Variants in KCNIP4 observed in about 807,000 individuals in gnomAD.
KCNIP4 encodes Kv channel-interacting protein 4.
A neutral mutation model predicts 34.0 loss-of-function variants in KCNIP4; 12 were observed. That is an observed-to-expected ratio of 0.35 (90% confidence interval 0.23 to 0.57). The LOEUF (loss-of-function observed/expected upper bound fraction) is 0.57, where lower values mean the gene tolerates loss of function less well. Among genes scored for constraint, KCNIP4 ranks in the 20% least tolerant of loss-of-function variants. The probability of loss-of-function intolerance (pLI) is 0.83; values close to 1 mark genes in which losing one functional copy is unlikely to be tolerated. For synonymous variants in KCNIP4, 124 were observed against 102.2 expected (o/e 1.21, Z -1.29); for missense variants, 238 against 311.7 (o/e 0.76, Z 1.78).
At chr4:20,943,061 T>C (rs889823093) in intron 1 of KCNIP4, among the ~76,000 whole-genome samples, 1 of 152,246 alleles carries the variant, frequency 6.6e-6, no homozygotes, top group Non-Finnish European at 1.5e-5. Flanking sequence ...TGATTAAGAA[T>C]GCATTGATCA....
chr4:21,831,707 C>T (rs1723003254), intron 1 of KCNIP4, among the ~76,000 whole-genome samples: 1 of 142,314 alleles, frequency 7.0e-6, no homozygotes, highest in African/African-American at 2.6e-5. Context: ...GATGGTTTCA[C>T]TGGTGAATTC....
At chr4:21,922,405 G>A (rs1728985702) in intron 1 of KCNIP4, among the ~76,000 whole-genome samples, 2 of 152,160 alleles carry the variant, frequency 1.3e-5, no homozygotes, top group South Asian at 4.1e-4. Flanking sequence ...CTGGTGAATT[G>A]CAAATAAGTT....
chr4:20,750,993 G>A (rs1753517300), intron 4 of KCNIP4, among the ~76,000 whole-genome samples: 1 of 152,106 alleles, frequency 6.6e-6, no homozygotes, highest in African/African-American at 2.4e-5. Context: ...GCCCTCTGAG[G>A]AGGCCATCTA....
At chr4:21,489,828 A>G (rs1732227167) in intron 1 of KCNIP4, among the ~76,000 whole-genome samples, 1 of 152,076 alleles carries the variant, frequency 6.6e-6, no homozygotes, top group South Asian at 2.1e-4. Flanking sequence ...TCATAGAATG[A>G]GCTTATATAA....
chr4:21,121,151 C>T (rs1218000455), intron 1 of KCNIP4, among the ~76,000 whole-genome samples: 3 of 152,214 alleles, frequency 2.0e-5, no homozygotes, highest in Admixed American at 1.3e-4. Flanking sequence ...GGAGACATTA[C>T]AACTACCAAA....
chr4:21,318,965 T>G (rs1257253079), intron 1 of KCNIP4, among the ~76,000 whole-genome samples: 1 of 152,118 alleles, frequency 6.6e-6, no homozygotes, highest in Admixed American at 6.5e-5. Flanking sequence ...CTCCAGAATT[T>G]TACTAAATTG....
chr4:21,109,819 C>G (rs371089423), intron 1 of KCNIP4, among the ~76,000 whole-genome samples: 2 of 77,656 alleles, frequency 2.6e-5, no homozygotes, highest in Admixed American at 2.5e-4. Context: ...CTCTAATTTT[C>G]CCTTCTTTTG....
intron 1 of KCNIP4, among the ~76,000 whole-genome samples, chr4:21,634,918 T>C (rs1176088019): frequency 1.3e-5 from 2 of 152,182 alleles, no homozygotes; most frequent in Non-Finnish European, 2.9e-5. Flanking sequence ...TAGCAACTGA[T>C]GCACTGTATT....
chr4:21,711,400 A>G (rs554758105), intron 1 of KCNIP4, among the ~76,000 whole-genome samples: 1 of 152,250 alleles, frequency 6.6e-6, no homozygotes, highest in East Asian at 1.9e-4. Context: ...TGAACCTGGG[A>G]GGTGGAGGTT....
chr4:21,556,929 A>AACAAAAACAAAAAAAAAAAAC (rs1560514222), intron 1 of KCNIP4, among the ~76,000 whole-genome samples: 3 of 147,690 alleles, frequency 2.0e-5, no homozygotes, highest in African/African-American at 7.5e-5. Context: ...TCAGAAAAAA[A>AACAAAAACAAAAAAAAAAAAC]AAAAAAAAAA....
Position 21,331,026 on chromosome 4 carries a change from C to T in KCNIP4, c.62-448317G>A, listed in dbSNP as rs368841402. 4.4e-3 allele frequency among the ~76,000 whole-genome samples: 666 copies of T among 152,254 alleles called. 6 individuals are homozygous for T. The highest frequency in any genetic ancestry group is 0.015 in the African/African-American group (631 of 41,564). ...TAATTTGTTCCTGTGTCCTACTCTT[C>T]TATTGACTGTTTCCCAGTCCCTAAT... On this transcript the variant is annotated intron_variant, in intron 1 of 8. Coordinates refer to ENST00000382152, the MANE Select transcript of KCNIP4 (RefSeq NM_025221.6).
intron 1 of KCNIP4, among the ~76,000 whole-genome samples, chr4:21,072,413 A>C (rs987573541): frequency 1.3e-5 from 2 of 151,838 alleles, no homozygotes; most frequent in Non-Finnish European, 2.9e-5. Context: ...ACATTTTTTC[A>C]TGTGTCTGTT....
At chr4:21,747,783 A>G (rs531094057) in intron 1 of KCNIP4, among the ~76,000 whole-genome samples, 45 of 152,270 alleles carry the variant, frequency 3.0e-4, no homozygotes, top group African/African-American at 1.1e-3. Context: ...GAATCTCAGA[A>G]TGTAACCGTA....
chr4:21,445,383 G>T (rs140400340), intron 1 of KCNIP4, among the ~76,000 whole-genome samples: 1,574 of 152,208 alleles, frequency 0.01, 28 homozygotes, highest in African/African-American at 0.036. Flanking sequence ...ATAATACAAG[G>T]CTACAGTAAC....
At chr4:21,144,491 C>A (rs185694341) in intron 1 of KCNIP4, among the ~76,000 whole-genome samples, 26 of 152,296 alleles carry the variant, frequency 1.7e-4, no homozygotes, top group Admixed American at 8.5e-4. Context: ...ACCCCTGACC[C>A]TGGTATGAAG....
At chr4:21,367,846 T>G (rs1183926575) in intron 1 of KCNIP4, among the ~76,000 whole-genome samples, 1 of 147,690 alleles carries the variant, frequency 6.8e-6, no homozygotes, top group Non-Finnish European at 1.5e-5. Flanking sequence ...GGGAAGGATT[T>G]GCAATATGAC....
rs143698708 is a variant in KCNIP4, at chr4:21,712,001, G to T, written c.61+236570C>A. ...CTTAAATGTGTTCCATTCTTTGCCT[G>T]ACCCCAAACCTGTGCTCTAAAGCAT... On this transcript the variant is annotated intron_variant, in intron 1 of 8. Coordinates refer to ENST00000382152, the MANE Select transcript of KCNIP4 (RefSeq NM_025221.6). Among the ~76,000 whole-genome samples, 15 of 152,170 alleles carry T rather than the reference G, an allele frequency of 9.9e-5. No individual in the cohort carries two copies. In the East Asian group the frequency reaches 2.7e-3, roughly 27 times the overall value.
intron 1 of KCNIP4, among the ~76,000 whole-genome samples, chr4:21,107,151 C>T (rs1227297758): frequency 2.7e-5 from 4 of 146,916 alleles, no homozygotes; most frequent in Non-Finnish European, 5.9e-5. Flanking sequence ...CCTGGGTATC[C>T]TTTTTAACTT....
At chr4:21,396,229 G>A (rs1007519977) in intron 1 of KCNIP4, among the ~76,000 whole-genome samples, 8 of 151,876 alleles carry the variant, frequency 5.3e-5, no homozygotes, top group Non-Finnish European at 8.8e-5. Context: ...CAATATGACT[G>A]AGGTAGTCAT....
Sources: gnomAD v4.1 joint callset for allele counts (sites outside exome capture counted in the v4.1 genomes callset) on GRCh38, gnomAD v4.1.1 for gene constraint, MANE v1.5 for transcripts, NCBI Gene and HGNC (gene_info 2026-07-23, HGNC 2026-07-21) for gene names.